Variants in BTD observed in about 807,000 individuals in gnomAD.
BTD encodes the protein biotinidase.
Under a neutral mutation model 17.7 loss-of-function variants are expected in BTD, and 13 were observed. The ratio of observed to expected loss-of-function variants is 0.74; its 90% CI spans 0.48 to 1.17. The LOEUF (loss-of-function observed/expected upper bound fraction) is 1.17. Among genes scored for constraint, BTD ranks in the 50% most tolerant of loss-of-function variants. The pLI is 0.00. For missense variants in BTD, 674 were observed against 650.4 expected, an observed-to-expected ratio of 1.04 and a Z score of -0.39; for synonymous variants, 240 against 245.2, an observed-to-expected ratio of 0.98 and a Z score of 0.20.
At chr3:15,616,571 G>A (rs946862789) in intron 1 of BTD, among the ~76,000 whole-genome samples, 2 of 151,792 alleles carry the variant, frequency 1.3e-5, no homozygotes, top group South Asian at 4.2e-4. Context: ...AGCCAAGATC[G>A]CACCATTGTA....
intron 3 of BTD, among the ~76,000 whole-genome samples, chr3:15,674,155 G>C (rs187204228): frequency 1.6e-4 from 18 of 109,210 alleles, no homozygotes; most frequent in Non-Finnish European, 1.7e-4. Context: ...CTGGGCAACA[G>C]AGTGAGACCC....
At chr3:15,610,338 T>C (rs1355013714) in intron 1 of BTD, among the ~76,000 whole-genome samples, 1 of 152,222 alleles carries the variant, frequency 6.6e-6, no homozygotes, top group Non-Finnish European at 1.5e-5. Flanking sequence ...TGAGCCTCAT[T>C]GTGCAAGCCT....
chr3:15,691,216 T>G (rs890649762), intron 3 of BTD, among the ~76,000 whole-genome samples: 1 of 151,344 alleles, frequency 6.6e-6, no homozygotes, highest in Admixed American at 6.6e-5. Context: ...TCCGCCTCCC[T>G]GGGTTCAAGC....
chr3:15,624,585 T>A (rs569379920), intron 1 of BTD, among the ~76,000 whole-genome samples: 1 of 152,208 alleles, frequency 6.6e-6, no homozygotes, highest in Non-Finnish European at 1.5e-5. Flanking sequence ...AATTTCCATC[T>A]CCCTGCTTAG....
At chr3:15,616,895 C>G (rs1181653144) in intron 1 of BTD, among the ~76,000 whole-genome samples, 2 of 151,908 alleles carry the variant, frequency 1.3e-5, no homozygotes, top group Admixed American at 6.6e-5. Context: ...TGCAGTGGTG[C>G]AATCTCGGCT....
At chr3:15,644,257 C>T (rs935201306) in intron 3 of BTD, 59 bp from the exon 4 acceptor site, 4 of 1,547,872 alleles carry the variant, frequency 2.6e-6, no homozygotes, top group Non-Finnish European at 3.5e-6. Flanking sequence ...GCCTCAGCCT[C>T]CCACAGTGCT....
At chr3:15,709,279 A>G (rs2071898857) in intron 3 of BTD, among the ~76,000 whole-genome samples, 2 of 152,240 alleles carry the variant, frequency 1.3e-5, no homozygotes, top group Admixed American at 1.3e-4. Context: ...TATGGGCAGT[A>G]GAATCCCTCA....
downstream of BTD, among the ~76,000 whole-genome samples, chr3:15,715,411 C>T (rs1054850955): frequency 2.6e-5 from 4 of 152,172 alleles, no homozygotes; most frequent in East Asian, 1.9e-4. Flanking sequence ...CACTGTACAA[C>T]GCAGATATTC....
Position 15,652,663 on chromosome 3 carries a change from TTTA to T in BTD, c.*7180_*7182del, listed in dbSNP as rs1395998899. ...TTTAAAATCCTAGGTTTTGAGGTAA[TTTA>T]TTATACAGCAATAGAAAACTAATAC... On this transcript the variant is annotated 3_prime_UTR_variant, in exon 4 of 4. Transcript: ENST00000643237. 6.6e-6 allele frequency among the ~76,000 whole-genome samples: 1 copy of T among 152,220 alleles called. No homozygotes were observed. The highest frequency in any genetic ancestry group is 2.4e-5 in the African/African-American group (1 of 41,450).
In BTD at chr3:15,683,163, A is replaced by AT. The variant is rs2067718089; in HGVS notation, c.400-26892dup. On this transcript the variant is annotated intron_variant, in intron 3 of 3. Coordinates refer to the BTD transcript ENST00000672141. ...CTGAGGAAAAATATCTCACTGTGTG[A>AT]TTTTTCCAATGGTTAATCTTCAGGG... is the stretch of plus-strand genomic sequence containing the variant. 2.6e-5 allele frequency among the ~76,000 whole-genome samples: 4 copies of AT among 152,182 alleles called. No homozygotes were observed. The South Asian group carries it at 8.3e-4, about 32-fold the overall frequency.
intron 1 of BTD, among the ~76,000 whole-genome samples, chr3:15,624,357 A>G (rs966928937): frequency 6.6e-6 from 1 of 151,826 alleles, no homozygotes; most frequent in African/African-American, 2.4e-5. Context: ...CATTGTACAT[A>G]TTTATAACTT....
At chr3:15,706,037 C>T (rs529532947) in intron 3 of BTD, among the ~76,000 whole-genome samples, 3 of 97,754 alleles carry the variant, frequency 3.1e-5, no homozygotes, top group South Asian at 2.8e-4. Context: ...AAAAAACCCA[C>T]AAAAACAAAC....
At chr3:15,687,547 A>C (rs60365828) in intron 3 of BTD, among the ~76,000 whole-genome samples, 6,293 of 152,296 alleles carry the variant, frequency 0.041, 425 homozygotes, top group African/African-American at 0.14. Flanking sequence ...TGTATCTTGC[A>C]TATGATACAG....
In BTD at chr3:15,645,725, T is replaced by G. The variant is rs997397379; in HGVS notation, c.*237T>G. 5 of 514,042 alleles carry G rather than the reference T, an allele frequency of 9.7e-6. No homozygotes were observed. The highest frequency in any genetic ancestry group is 9.6e-5 in the African/African-American group (5 of 52,342). The allele number at this position is 514,042 out of a possible 1,614,324, so 31.8% of individuals were successfully genotyped here. ...GGTATTTTCTGTTCACATTTATCTTTTTCAAGCCACATCTTCCTCTAACAA... is the reference window on the plus strand; with the variant it reads ...GGTATTTTCTGTTCACATTTATCTTGTTCAAGCCACATCTTCCTCTAACAA... On this transcript the variant is annotated 3_prime_UTR_variant, in exon 4 of 4. Coordinates refer to ENST00000643237, the MANE Select transcript of BTD (RefSeq NM_001370658.1).
chr3:15,695,835 T>C (rs1375759555), intron 3 of BTD, among the ~76,000 whole-genome samples: 5 of 152,256 alleles, frequency 3.3e-5, no homozygotes, highest in East Asian at 1.9e-4. Flanking sequence ...GACACAGTTA[T>C]AGTTTTTTAG....
intron 3 of BTD, among the ~76,000 whole-genome samples, chr3:15,705,338 G>A (rs1215728858): frequency 6.6e-6 from 1 of 152,146 alleles, no homozygotes; most frequent in Non-Finnish European, 1.5e-5. Flanking sequence ...TTGTGTGTGT[G>A]TGAATTCAGG....
chr3:15,658,168 A>G (rs1257917544), downstream of BTD, among the ~76,000 whole-genome samples: 2 of 75,850 alleles, frequency 2.6e-5, no homozygotes, highest in Non-Finnish European at 4.8e-5. Context: ...GACTCCATCT[A>G]AAAAAAAAAA....
rs2065816531 is a variant in BTD at position 15,652,310 on chromosome 3, A to G, written c.*6822A>G. On this transcript the variant is annotated 3_prime_UTR_variant, in exon 4 of 4. Transcript: ENST00000643237. ...CACTGCACTCCAGTCTGGGCAACAG[A>G]GCGACACTCCGTCTCCAAAAAAAAA... Among the ~76,000 whole-genome samples the G allele has an allele frequency of 6.6e-6, 1 of 152,134 alleles. No individual in the cohort carries two copies. Among genetic ancestry groups the G allele is most frequent in the South Asian group, 2.1e-4 (1 of 4,830 alleles).
At chr3:15,716,649 A>T (rs2073098345), downstream of BTD, among the ~76,000 whole-genome samples, 1 of 152,162 alleles carries the variant, frequency 6.6e-6, no homozygotes, top group Admixed American at 6.6e-5. Flanking sequence ...GGATAAGAAA[A>T]ACAAGAGGAA....
Sources: gnomAD v4.1 joint callset for allele counts (sites outside exome capture counted in the v4.1 genomes callset) on GRCh38, gnomAD v4.1.1 for gene constraint, MANE v1.5 for transcripts, NCBI Gene and HGNC (gene_info 2026-07-23, HGNC 2026-07-21) for gene names.